SP140L: variants seen among roughly 807,000 people sequenced by gnomAD.
SP140L encodes the protein nuclear body protein SP140-like protein.
In SP140L, 64 loss-of-function variants were observed where a neutral mutation model predicts 84.3. The ratio of observed to expected loss-of-function variants is 0.76; its 90% confidence interval spans 0.62 to 0.94. SP140L has a LOEUF of 0.94. Among genes scored for constraint, SP140L ranks in the 40% least tolerant of loss-of-function variants. The pLI, the probability that SP140L is intolerant of heterozygous loss-of-function variation, is 0.00. For synonymous variants in SP140L, 242 were observed against 236.9 expected, an observed-to-expected ratio of 1.02 and a Z score of -0.20; for missense variants, 628 against 692.5, an observed-to-expected ratio of 0.91 and a Z score of 1.05.
intron 2 of SP140L, among the ~76,000 whole-genome samples, chr2:230,346,557 T>C (rs1170344258): frequency 6.6e-6 from 1 of 150,720 alleles, no homozygotes; most frequent in African/African-American, 2.4e-5. Context: ...CACAATAGGC[T>C]TTTTTTCACT....
intron 2 of SP140L, among the ~76,000 whole-genome samples, chr2:230,334,091 G>C (rs940347867): frequency 1.3e-5 from 2 of 152,162 alleles, no homozygotes; most frequent in Non-Finnish European, 2.9e-5. Flanking sequence ...TTCAGAACGA[G>C]ACACTAGAAA....
At chr2:230,360,650 G>T (rs952339068) in intron 4 of SP140L, among the ~76,000 whole-genome samples, 3 of 152,146 alleles carry the variant, frequency 2.0e-5, no homozygotes, top group Admixed American at 6.6e-5. Context: ...GGACTGCAGG[G>T]ATTCCCTTCC....
chr2:230,350,702 G>A (rs1449535669), intron 2 of SP140L, among the ~76,000 whole-genome samples: 4 of 152,062 alleles, frequency 2.6e-5, no homozygotes, highest in African/African-American at 9.7e-5. Context: ...ATTGACAAGA[G>A]CATGGAAAAA....
chr2:230,388,194 ATATAT>A (rs1375856282), intron 9 of SP140L, among the ~76,000 whole-genome samples: 1 of 152,206 alleles, frequency 6.6e-6, no homozygotes, highest in Non-Finnish European at 1.5e-5. Context: ...TGTGTTTAAC[ATATAT>A]TATATGCCAT....
intron 10 of SP140L, among the ~76,000 whole-genome samples, chr2:230,389,371 G>A (rs2061710913): frequency 6.6e-6 from 1 of 152,212 alleles, no homozygotes; most frequent in Non-Finnish European, 1.5e-5. Flanking sequence ...TTATTCTAGA[G>A]CTCCCTGAGC....
At chr2:230,339,076 A>G (rs1416600597) in intron 2 of SP140L, among the ~76,000 whole-genome samples, 4 of 142,052 alleles carry the variant, frequency 2.8e-5, no homozygotes, top group Admixed American at 2.8e-4. Context: ...GAATGGTACC[A>G]GTTCCTCCTT....
chr2:230,400,196 A>G lies in SP140L; in HGVS notation c.1267A>G (p.Arg423Gly), dbSNP rs2062252691. 7 of 1,614,182 alleles carry G rather than the reference A, an allele frequency of 4.3e-6. No individual in the cohort carries two copies. The highest frequency in any genetic ancestry group is 2.2e-5 in the East Asian group (1 of 44,884). Residue 423 changes from arginine to glycine, a missense_variant, in exon 15 of 19, where the codon AGA (arginine) becomes GGA (glycine). Arg to Gly is a moderately radical substitution (Grantham distance 125). Around this residue, in one of 4 missense-constraint regions of SP140L, gnomAD observed 525 missense variants for 518.4 expected, o/e 1.01. Transcript: ENST00000415673. ...GCTGTTCTGTTGCGACACTTGTTCA[A>G]GAGTCTTCCATGAGGACTGCCACAT... ...GELFCCDTCS[R>G]VFHEDCHIPP... is the part of the protein sequence containing the mutation.
chr2:230,379,772 C>T (rs376362720), intron 7 of SP140L, among the ~76,000 whole-genome samples: 2 of 152,084 alleles, frequency 1.3e-5, no homozygotes, highest in East Asian at 3.8e-4. Flanking sequence ...AAAGTGATTA[C>T]TACATTGTCT....
intron 5 of SP140L, among the ~76,000 whole-genome samples, chr2:230,368,744 G>A (rs1323718778): frequency 6.6e-6 from 1 of 151,884 alleles, no homozygotes; most frequent in African/African-American, 2.4e-5. Context: ...GATGCTCTTT[G>A]TTGCATTTTT....
intron 15 of SP140L, chr2:230,400,460 G>A (rs2062272608): frequency 3.6e-6 from 2 of 555,094 alleles, no homozygotes; most frequent in Admixed American, 6.2e-5. Flanking sequence ...GATATGCTGA[G>A]GCCAGTGTTG....
Position 230,400,183 on chromosome 2 carries a change from C to G in SP140L, c.1254C>G (p.Cys418Trp). 2 of 1,614,088 alleles carry G rather than the reference C, an allele frequency of 1.2e-6. No individual in the cohort carries two copies. Among genetic ancestry groups the G allele is most frequent in the Non-Finnish European group, 8.5e-7 (1 of 1,180,026 alleles). The part of the protein sequence containing the change: ...VCRDGGELFC[C>W]DTCSRVFHED... Reference sequence around the variant, plus strand: ...GGGACGGAGGGGAGCTGTTCTGTTGCGACACTTGTTCAAGAGTCTTCCATG... The same window carrying G: ...GGGACGGAGGGGAGCTGTTCTGTTGGGACACTTGTTCAAGAGTCTTCCATG... Residue 418 changes from cysteine to tryptophan, a missense_variant, in exon 15 of 19, where the codon TGC becomes TGG. By Grantham distance (215) the Cys-to-Trp change is radical. Coordinates refer to ENST00000415673, the MANE Select transcript of SP140L (RefSeq NM_138402.6).
At chr2:230,350,928 G>A (rs1295083309) in intron 2 of SP140L, among the ~76,000 whole-genome samples, 2 of 152,258 alleles carry the variant, frequency 1.3e-5, no homozygotes, top group East Asian at 3.9e-4. Context: ...AGTATGTCTG[G>A]TTAGTCAAGA....
chr2:230,338,728 G>T lies in SP140L; in HGVS notation c.107+9897G>T, dbSNP rs1484398834. 7.7e-5 allele frequency among the ~76,000 whole-genome samples: 10 copies of T among 129,480 alleles called. 1 individual carries two copies. The highest frequency in any genetic ancestry group is 1.6e-4 in the Non-Finnish European group (10 of 61,578). The allele number at this position is 129,480 out of a possible 152,430, so 84.9% of individuals were successfully genotyped here. A position where few individuals can be genotyped will look rare whatever the true frequency, so the allele number is the denominator to read the frequency against. ...GAAGAGTTGTTGAATTTTGTCAAAGGCTTTTTCTGCATCTATTGAGATAAT... is the reference window on the plus strand; with the variant it reads ...GAAGAGTTGTTGAATTTTGTCAAAGTCTTTTTCTGCATCTATTGAGATAAT... On this transcript the variant is annotated intron_variant, in intron 2 of 18. Transcript: ENST00000415673.
chr2:230,365,878 C>A (rs1282566846), intron 5 of SP140L, among the ~76,000 whole-genome samples: 5 of 151,860 alleles, frequency 3.3e-5, no homozygotes, highest in African/African-American at 1.2e-4. Context: ...TTAATTTATT[C>A]ATTGGCCTAT....
intron 2 of SP140L, among the ~76,000 whole-genome samples, chr2:230,339,632 T>A (rs1392269101): frequency 6.8e-6 from 1 of 147,992 alleles, no homozygotes; most frequent in Non-Finnish European, 1.5e-5. Context: ...TGTGGGCATT[T>A]AGTGCTATAA....
At chr2:230,369,891 A>C (rs759171178) in intron 5 of SP140L, among the ~76,000 whole-genome samples, 10 of 152,128 alleles carry the variant, frequency 6.6e-5, no homozygotes, top group Non-Finnish European at 1.3e-4. Flanking sequence ...CTCCTGCCTC[A>C]GCCTCCCAAG....
chr2:230,357,266 G>C (rs1329236389), intron 2 of SP140L, among the ~76,000 whole-genome samples: 1 of 152,028 alleles, frequency 6.6e-6, no homozygotes, highest in Non-Finnish European at 1.5e-5. Context: ...CAATAATGTG[G>C]TATTATTATC....
intron 2 of SP140L, among the ~76,000 whole-genome samples, chr2:230,332,928 AT>A (rs2059766202): frequency 6.6e-6 from 1 of 152,152 alleles, no homozygotes. Context: ...GATTACATGT[AT>A]CTTCTTTCTT....
At chr2:230,394,191 T>G (rs1396127324) in intron 13 of SP140L, among the ~76,000 whole-genome samples, 2 of 152,346 alleles carry the variant, frequency 1.3e-5, no homozygotes, top group African/African-American at 2.4e-5. Flanking sequence ...GACCTGCTTT[T>G]TATCTGTGAA....
Sources: allele counts gnomAD v4.1 joint callset (sites outside exome capture counted in the v4.1 genomes callset), GRCh38; gene constraint gnomAD v4.1.1; regional missense constraint gnomAD v4.1.1; transcripts MANE v1.5; gene names NCBI Gene and HGNC (gene_info 2026-07-23, HGNC 2026-07-21).